The following KDM4C variants were observed in gnomAD, a reference collection of about 807,000 sequenced individuals.
KDM4C encodes lysine demethylase 4C.
Under a neutral mutation model 129.3 loss-of-function variants are expected in KDM4C, and 81 were observed. The observed-to-expected ratio is 0.63, with a 90% CI of 0.52 to 0.75. KDM4C has a LOEUF of 0.75. KDM4C is among the 30% of genes least tolerant of loss of function. The probability of loss-of-function intolerance (pLI) is 0.00; values close to 1 mark genes in which losing one functional copy is unlikely to be tolerated. For missense variants in KDM4C, 1,457 were observed against 1,304.0 expected (o/e 1.12, Z -1.81); for synonymous variants, 573 against 456.1 (o/e 1.26, Z -3.26).
Position 6,849,639 on chromosome 9 carries a change from C to T in KDM4C, c.568C>T (p.His190Tyr). The part of the protein sequence containing the change: ...FGMWKTTFAW[H>Y]TEDMDLYSIN... ...CATGTGGAAGACCACGTTTGCATGG[C>T]ACACCGAAGACATGGACCTCTATAG... The change falls in exon 5 of 22, where the codon CAC becomes TAC. Residue 190 changes from histidine to tyrosine, a missense_variant. Physicochemically the swap from His to Tyr is moderately conservative, Grantham distance 83. Transcript: ENST00000381309. 2.5e-6 allele frequency: 4 copies of T among 1,613,770 alleles called. No homozygotes were observed. Among genetic ancestry groups the T allele is most frequent in the Non-Finnish European group, 3.4e-6 (4 of 1,179,724 alleles).
At chr9:6,767,981 A>G (rs2130562303) in intron 1 of KDM4C, among the ~76,000 whole-genome samples, 1 of 152,266 alleles carries the variant, frequency 6.6e-6, no homozygotes, top group East Asian at 1.9e-4. Flanking sequence ...ATTTTCAAAT[A>G]GGCAATACAA....
At chr9:6,925,355 C>T (rs1336772532) in intron 8 of KDM4C, 33 of 985,198 alleles carry the variant, frequency 3.3e-5, no homozygotes, top group East Asian at 1.1e-4. Flanking sequence ...TTTCTTTTGG[C>T]GAAGAGAAGC....
intron 8 of KDM4C, among the ~76,000 whole-genome samples, chr9:6,923,787 C>T (rs1171701396): frequency 6.6e-6 from 1 of 152,184 alleles, no homozygotes; most frequent in Non-Finnish European, 1.5e-5. Context: ...TCAAATGCTT[C>T]CTGTGTCAAT....
intron 1 of KDM4C, among the ~76,000 whole-genome samples, chr9:6,743,378 A>C (rs963946793): frequency 1.3e-5 from 2 of 152,154 alleles, no homozygotes; most frequent in African/African-American, 2.4e-5. Context: ...GCACATTTTC[A>C]TTTACTGAGT....
upstream of KDM4C, among the ~76,000 whole-genome samples, chr9:6,754,908 C>T (rs1162850100): frequency 6.9e-6 from 1 of 144,598 alleles, no homozygotes; most frequent in African/African-American, 2.6e-5. Context: ...AAAAAAGCAG[C>T]ATATAAATTT....
chr9:7,011,729 A>G lies in KDM4C; in HGVS notation c.1818A>G (p.Glu606=), dbSNP rs764342242. Residue 606 remains glutamate, a synonymous_variant, in exon 13 of 22, where the codon GAA becomes GAG. Transcript: ENST00000381309. ...CTGAGGTTCTGTCCATTGAGGAGGA[A>G]GTGGAAGAAACAGAGTCTTGGGCGA... ...ELPEVLSIEE[E]VEETESWAKP... is the part of the protein sequence containing the mutation. The G allele has an allele frequency of 1.2e-6, 2 of 1,614,082 alleles. No individual in the cohort carries two copies. Among genetic ancestry groups the G allele is most frequent in the African/African-American group, 1.3e-5 (1 of 75,018 alleles).
intron 5 of KDM4C, among the ~76,000 whole-genome samples, chr9:6,876,116 A>G (rs1213252413): frequency 3.9e-5 from 6 of 152,136 alleles, no homozygotes; most frequent in Admixed American, 3.9e-4. Flanking sequence ...TCAGCCTTTT[A>G]TGTGCCTGTC....
At chr9:6,795,795 G>A (rs111869020) in intron 2 of KDM4C, among the ~76,000 whole-genome samples, 3 of 150,638 alleles carry the variant, frequency 2.0e-5, no homozygotes, top group Admixed American at 6.6e-5. Flanking sequence ...CCTCAGCCCC[G>A]CAATTAGCTG....
intron 5 of KDM4C, among the ~76,000 whole-genome samples, chr9:6,868,788 CTGCA>C (rs1348604166): frequency 5.9e-5 from 9 of 151,700 alleles, no homozygotes; most frequent in Non-Finnish European, 1.3e-4. Context: ...CGCTTTACTA[CTGCA>C]TGTATTATAT....
intron 4 of KDM4C, among the ~76,000 whole-genome samples, chr9:6,838,136 G>C (rs561300574): frequency 3.1e-4 from 47 of 152,254 alleles, no homozygotes; most frequent in Non-Finnish European, 5.0e-4. Flanking sequence ...CTCTCCTTCA[G>C]GTTGGACTGG....
chr9:6,813,039 G>C (rs760302226), intron 3 of KDM4C, among the ~76,000 whole-genome samples: 1 of 151,980 alleles, frequency 6.6e-6, no homozygotes, highest in Non-Finnish European at 1.5e-5. Flanking sequence ...GCCAGGCATG[G>C]TGGTGCATGC....
intron 3 of KDM4C, among the ~76,000 whole-genome samples, chr9:6,809,357 T>G (rs183923749): frequency 6.6e-6 from 1 of 152,348 alleles, no homozygotes; most frequent in East Asian, 1.9e-4. Context: ...TAAACCTGTT[T>G]ACAAGTATAA....
At chr9:6,898,769 T>C (rs1816872203) in intron 8 of KDM4C, among the ~76,000 whole-genome samples, 1 of 152,246 alleles carries the variant, frequency 6.6e-6, no homozygotes, top group Admixed American at 6.5e-5. Flanking sequence ...AAGTTAGATA[T>C]TTCTTAAATC....
chr9:7,167,665 A>G (rs1261140617), intron 20 of KDM4C, among the ~76,000 whole-genome samples: 1 of 152,232 alleles, frequency 6.6e-6, no homozygotes, highest in Non-Finnish European at 1.5e-5. Flanking sequence ...TACGTGGATA[A>G]TAATACGTTC....
intron 4 of KDM4C, among the ~76,000 whole-genome samples, chr9:6,845,500 C>T (rs191376132): frequency 1.3e-5 from 2 of 152,284 alleles, no homozygotes; most frequent in East Asian, 1.9e-4. Context: ...CAGGCATGAG[C>T]CACTGTGCCT....
chr9:6,986,501 G>A lies in KDM4C; in HGVS notation c.1512G>A (p.Glu504=). 4 of 1,614,126 alleles carry A rather than the reference G, an allele frequency of 2.5e-6. No individual in the cohort carries two copies. The highest frequency in any genetic ancestry group is 8.5e-7 in the Non-Finnish European group (1 of 1,180,016). The change falls in exon 11 of 22, where the codon GAG becomes GAA. Residue 504 remains glutamate (E), a synonymous_variant. Coordinates refer to ENST00000381309, the MANE Select transcript of KDM4C (RefSeq NM_015061.6). ...YEKPEKSDPS[E]LSWPKSPESC... ...AGCCCGAGAAATCAGACCCATCCGA[G>A]CTTTCATGGCCAAAGTCACCTGAGT... is the stretch of plus-strand genomic sequence containing the variant.
At chr9:7,060,487 A>G (rs183261102) in intron 17 of KDM4C, among the ~76,000 whole-genome samples, 2 of 140,918 alleles carry the variant, frequency 1.4e-5, no homozygotes, top group Non-Finnish European at 3.1e-5. Flanking sequence ...TATTATTATT[A>G]TTATTATTAT....
intron 19 of KDM4C, among the ~76,000 whole-genome samples, chr9:7,156,639 G>C (rs1339097998): frequency 6.6e-6 from 1 of 152,068 alleles, no homozygotes; most frequent in East Asian, 1.9e-4. Context: ...TTTTTGTCAG[G>C]TTTGTCAAAG....
At chr9:6,867,265 CG>C (rs1476371311) in intron 5 of KDM4C, among the ~76,000 whole-genome samples, 1 of 152,078 alleles carries the variant, frequency 6.6e-6, no homozygotes, top group African/African-American at 2.4e-5. Flanking sequence ...CCGCCCACCT[CG>C]GCCTCTGAAA....
Sources: gnomAD v4.1 joint callset for allele counts (sites outside exome capture counted in the v4.1 genomes callset) on GRCh38, gnomAD v4.1.1 for gene constraint, MANE v1.5 for transcripts, NCBI Gene and HGNC (gene_info 2026-07-23, HGNC 2026-07-21) for gene names.